Variants in FAM168A observed in about 807,000 individuals in gnomAD.
FAM168A encodes the protein protein FAM168A.
In FAM168A, 3 loss-of-function variants were observed where a neutral mutation model predicts 28.5. The observed-to-expected ratio is 0.11, with a 90% CI of 0.05 to 0.27. The LOEUF (loss-of-function observed/expected upper bound fraction) is 0.27. Ranked by LOEUF, FAM168A falls within the 10% of genes least tolerant of loss-of-function variation. The pLI, the probability that FAM168A is intolerant of heterozygous loss-of-function variation, is 1.00. For synonymous variants in FAM168A, 122 were observed against 124.2 expected (o/e 0.98, Z 0.12); for missense variants, 222 against 311.5 (o/e 0.71, Z 2.16).
At chr11:73,435,835 G>A (rs186496453) in intron 2 of FAM168A, among the ~76,000 whole-genome samples, 71 of 152,168 alleles carry the variant, frequency 4.7e-4, no homozygotes, top group Non-Finnish European at 5.6e-4. Flanking sequence ...AGATATTTTC[G>A]CATTTGCTTT....
intron 2 of FAM168A, among the ~76,000 whole-genome samples, chr11:73,460,996 A>G (rs574139460): frequency 2.0e-5 from 3 of 152,336 alleles, no homozygotes; most frequent in South Asian, 4.1e-4. Flanking sequence ...TCTGGGTTCT[A>G]CTTCCAGGTT....
intron 1 of FAM168A, among the ~76,000 whole-genome samples, chr11:73,487,509 T>C (rs1246337339): frequency 6.6e-6 from 1 of 152,192 alleles, no homozygotes; most frequent in African/African-American, 2.4e-5. Context: ...TCTTATGCCT[T>C]AAAGATTGTG....
In FAM168A at chr11:73,543,262, C is replaced by CTTTTT. The variant is rs58715872; in HGVS notation, c.-19+54656_-19+54660dup. The stretch of plus-strand genomic sequence containing the variant: ...TAATCAACTTCAGCCATTAATTGTT[C>CTTTTT]TTTTTTTTTTTTTTTTTTTTTGATG... On this transcript the variant is annotated intron_variant, in intron 1 of 7. Coordinates refer to ENST00000356467, the MANE Select transcript of FAM168A (RefSeq NM_015159.3). 1.4e-3 allele frequency among the ~76,000 whole-genome samples: 160 copies of CTTTTT among 111,750 alleles called. 1 individual carries two copies. Among genetic ancestry groups the CTTTTT allele is most frequent in the African/African-American group, 2.9e-3 (80 of 27,570 alleles). 73.3% of individuals were successfully genotyped at this position (111,750 alleles called of 152,430 possible). A position where few individuals can be genotyped will look rare whatever the true frequency, so the allele number is the denominator to read the frequency against.
At chr11:73,455,068 A>G (rs953747868) in intron 2 of FAM168A, among the ~76,000 whole-genome samples, 8 of 152,242 alleles carry the variant, frequency 5.3e-5, no homozygotes, top group Non-Finnish European at 1.2e-4. Context: ...TAAGCTGTTC[A>G]TGGACAGCAG....
chr11:73,438,097 TTCATCA>T (rs753245511), intron 2 of FAM168A, among the ~76,000 whole-genome samples: 12 of 152,094 alleles, frequency 7.9e-5, no homozygotes, highest in Middle Eastern at 6.8e-3. Flanking sequence ...GCATCCAGAT[TTCATCA>T]TCATCATCAT....
rs111406872 is a variant in FAM168A at position 73,524,602 on chromosome 11, G to GTA, written c.-18-56112_-18-56111dup. Among the ~76,000 whole-genome samples, 311 of 150,592 alleles carry GTA rather than the reference G, an allele frequency of 2.1e-3. 1 individual carries two copies. The highest frequency in any genetic ancestry group is 6.3e-3 in the African/African-American group (258 of 41,074). Reference sequence around the variant, plus strand: ...TATATGTGTGTGTGTATATGTATGTGTATATATATATATGAAATAGAGTCT... The same window carrying GTA: ...TATATGTGTGTGTGTATATGTATGTGTATATATATATATATGAAATAGAGTCT... On this transcript the variant is annotated intron_variant, in intron 1 of 7. Coordinates refer to ENST00000356467, the MANE Select transcript of FAM168A (RefSeq NM_015159.3).
intron 1 of FAM168A, among the ~76,000 whole-genome samples, chr11:73,518,903 T>C (rs908492531): frequency 1.3e-5 from 2 of 151,628 alleles, no homozygotes; most frequent in Non-Finnish European, 2.9e-5. Flanking sequence ...TCAAAAAAAA[T>C]TGGCACCTCC....
chr11:73,583,196 G>A (rs1337320417), intron 1 of FAM168A, among the ~76,000 whole-genome samples: 1 of 152,070 alleles, frequency 6.6e-6, no homozygotes, highest in Non-Finnish European at 1.5e-5. Context: ...CCAGCTACTC[G>A]GGAGGCTGAG....
chr11:73,589,957 G>A (rs1944362744), intron 1 of FAM168A, among the ~76,000 whole-genome samples: 1 of 152,098 alleles, frequency 6.6e-6, no homozygotes, highest in African/African-American at 2.4e-5. Context: ...TCCTTTGTGG[G>A]ACTGGATTTT....
intron 1 of FAM168A, among the ~76,000 whole-genome samples, chr11:73,588,844 G>C (rs1252983718): frequency 6.6e-6 from 1 of 152,132 alleles, no homozygotes; most frequent in Non-Finnish European, 1.5e-5. Context: ...TTTAGATTAG[G>C]TCATGAGGGT....
At chr11:73,537,458 G>A (rs1943596810) in intron 1 of FAM168A, among the ~76,000 whole-genome samples, 1 of 152,206 alleles carries the variant, frequency 6.6e-6, no homozygotes, top group African/African-American at 2.4e-5. Flanking sequence ...CTACTTGGGG[G>A]ACTGAGGTAG....
chr11:73,475,221 A>C (rs1406835488), intron 1 of FAM168A, among the ~76,000 whole-genome samples: 1 of 152,186 alleles, frequency 6.6e-6, no homozygotes, highest in Non-Finnish European at 1.5e-5. Flanking sequence ...TTTAGTTTGC[A>C]AACTACTACA....
chr11:73,460,984 G>C (rs1867636630), intron 2 of FAM168A, among the ~76,000 whole-genome samples: 1 of 152,202 alleles, frequency 6.6e-6, no homozygotes, highest in African/African-American at 2.4e-5. Flanking sequence ...GGCTGCCAGA[G>C]GTCTGGGTTC....
intron 4 of FAM168A, chr11:73,412,341 AACCTGG>A (rs1866627562): frequency 6.6e-6 from 1 of 152,218 alleles, no homozygotes; most frequent in African/African-American, 2.4e-5. Context: ...ATCAACCTGG[AACCTGG>A]GCCATGTCTG....
chr11:73,424,842 C>T (rs939301654), intron 3 of FAM168A, among the ~76,000 whole-genome samples: 11 of 152,130 alleles, frequency 7.2e-5, no homozygotes, highest in African/African-American at 2.7e-4. Context: ...TGTCTCCAAC[C>T]CATGATTTTT....
chr11:73,486,926 A>C (rs1868060504), intron 1 of FAM168A, among the ~76,000 whole-genome samples: 1 of 152,234 alleles, frequency 6.6e-6, no homozygotes, highest in African/African-American at 2.4e-5. Flanking sequence ...ATATATGTAC[A>C]AATATTTCTT....
At chr11:73,417,295 C>T (rs1187541852) in intron 4 of FAM168A, among the ~76,000 whole-genome samples, 1 of 152,102 alleles carries the variant, frequency 6.6e-6, no homozygotes, top group Non-Finnish European at 1.5e-5. Flanking sequence ...CCTCATTTTG[C>T]AGTTTGAAAA....
chr11:73,571,298 C>G (rs1450501768), intron 1 of FAM168A, among the ~76,000 whole-genome samples: 1 of 147,500 alleles, frequency 6.8e-6, no homozygotes, highest in Non-Finnish European at 1.5e-5. Flanking sequence ...GATGCCGAGC[C>G]GAAGCTGGAC....
In FAM168A at chr11:73,405,028, G is replaced by T. The variant is rs920066616; in HGVS notation, c.*1735C>A. The T allele has an allele frequency of 6.6e-6, 1 of 152,186 alleles. No individual in the cohort carries two copies. Among genetic ancestry groups the T allele is most frequent in the African/African-American group, 2.4e-5 (1 of 41,430 alleles). 9.4% of individuals were successfully genotyped at this position (152,186 alleles called of 1,614,324 possible). A position where few individuals can be genotyped will look rare whatever the true frequency, so the allele number is the denominator to read the frequency against. On this transcript the variant is annotated 3_prime_UTR_variant, in exon 8 of 8. Coordinates refer to ENST00000356467, the MANE Select transcript of FAM168A (RefSeq NM_015159.3). The stretch of plus-strand genomic sequence containing the variant: ...TAGCAGGGACCTCCTCGTCCCAGGG[G>T]TCCCTCTTCTCCCAGATGAGCCTGT...
Sources: allele counts gnomAD v4.1 joint callset (sites outside exome capture counted in the v4.1 genomes callset), GRCh38; gene constraint gnomAD v4.1.1; transcripts MANE v1.5; gene names NCBI Gene and HGNC (gene_info 2026-07-23, HGNC 2026-07-21).